VAC14: variants seen among roughly 807,000 people sequenced by gnomAD.
The protein encoded by VAC14 is protein VAC14 homolog.
Under a neutral mutation model 85.3 loss-of-function variants are expected in VAC14, and 47 were observed. The ratio of observed to expected loss-of-function variants is 0.55; its 90% confidence interval spans 0.44 to 0.70. The LOEUF is 0.70. VAC14 is among the 30% of genes least tolerant of loss of function. The probability of loss-of-function intolerance (pLI) is 0.00; values close to 1 mark genes in which losing one functional copy is unlikely to be tolerated. For missense variants in VAC14, 861 were observed against 1,004.3 expected (o/e 0.86, Z 1.93); for synonymous variants, 447 against 430.5 (o/e 1.04, Z -0.47).
chr16:70,781,703 T>C (rs1272757641), intron 8 of VAC14, among the ~76,000 whole-genome samples, 166 bp downstream of exon 8: 1 of 152,110 alleles, frequency 6.6e-6, no homozygotes, highest in Admixed American at 6.5e-5. Flanking sequence ...CCCGGGTCCC[T>C]GGCTTTCCTA....
Position 70,763,026 on chromosome 16 carries a change from C to T in VAC14, c.1161-1G>A. The T allele has an allele frequency of 6.2e-7, 1 of 1,614,164 alleles. No individual in the cohort carries two copies. The highest frequency in any genetic ancestry group is 1.1e-5 in the South Asian group (1 of 91,072). On this transcript the variant is annotated splice_acceptor_variant, in intron 10 of 18. Transcript: ENST00000261776. LOFTEE classifies it high-confidence loss of function. ...AAGGGTCACTGGGGCTCTTTCAGTG[C>T]TGTGGGTAAGATCGGGAGGGAGAGC...
intron 9 of VAC14, among the ~76,000 whole-genome samples, chr16:70,779,516 T>C (rs2033702675): frequency 6.6e-6 from 1 of 152,258 alleles, no homozygotes; most frequent in Non-Finnish European, 1.5e-5. Flanking sequence ...CTGGTTGATT[T>C]GTCTTGTTTT....
chr16:70,732,202 C>T (rs1230797350), intron 13 of VAC14, among the ~76,000 whole-genome samples: 1 of 152,170 alleles, frequency 6.6e-6, no homozygotes, highest in Non-Finnish European at 1.5e-5. Context: ...CACAGCCACT[C>T]GATTACGGAC....
At chr16:70,773,607 T>C (rs921898221) in intron 9 of VAC14, among the ~76,000 whole-genome samples, 8 of 152,224 alleles carry the variant, frequency 5.3e-5, no homozygotes, top group African/African-American at 9.6e-5. Flanking sequence ...GGAGGTGCTA[T>C]AGGAAAAAAT....
At chr16:70,769,042 C>T (rs1332494069) in intron 10 of VAC14, 1 of 258,416 alleles carries the variant, frequency 3.9e-6, no homozygotes, top group Non-Finnish European at 7.7e-6. Context: ...TCTCGAACTC[C>T]TGACCTCAGG....
At chr16:70,710,628 C>T (rs967923834) in intron 14 of VAC14, among the ~76,000 whole-genome samples, 11 of 152,218 alleles carry the variant, frequency 7.2e-5, no homozygotes, top group African/African-American at 2.7e-4. Flanking sequence ...GGCCAGGGAG[C>T]ACTCCAGCTG....
intron 14 of VAC14, among the ~76,000 whole-genome samples, chr16:70,709,816 T>A (rs950621306): frequency 2.6e-5 from 4 of 152,190 alleles, no homozygotes; most frequent in African/African-American, 9.6e-5. Flanking sequence ...TGGCCAAGGC[T>A]GGTGCTCTGA....
In VAC14 at chr16:70,745,482, AGTGTGTGTGTGTGT is replaced by A. The variant is rs145054065; in HGVS notation, c.1372-917_1372-904del. Among the ~76,000 whole-genome samples, 8 of 143,868 alleles carry A rather than the reference AGTGTGTGTGTGTGT, an allele frequency of 5.6e-5. No individual in the cohort carries two copies. The South Asian group carries it at 6.8e-4, about 12-fold the overall frequency. 94.4% of individuals were successfully genotyped at this position (143,868 alleles called of 152,430 possible). ...GACCTGCCCTGTTGGGAGGGGCTTC[AGTGTGTGTGTGTGT>A]GTGTGTGTGTGTGTGTGTGTGTGCG... On this transcript the variant is annotated intron_variant, in intron 12 of 18. Transcript: ENST00000261776.
At chr16:70,743,306 G>A (rs1398500278) in intron 13 of VAC14, among the ~76,000 whole-genome samples, 2 of 152,248 alleles carry the variant, frequency 1.3e-5, no homozygotes, top group South Asian at 2.1e-4. Flanking sequence ...TCAGCACTCT[G>A]CAAAATGGAC....
chr16:70,729,195 T>C (rs1234328922), intron 14 of VAC14, among the ~76,000 whole-genome samples: 4 of 152,214 alleles, frequency 2.6e-5, no homozygotes, highest in African/African-American at 9.6e-5. Flanking sequence ...GCTGACATCC[T>C]ACAGGGCGCA....
At chr16:70,765,293 C>A (rs2032719574) in intron 10 of VAC14, among the ~76,000 whole-genome samples, 1 of 152,140 alleles carries the variant, frequency 6.6e-6, no homozygotes, top group South Asian at 2.1e-4. Flanking sequence ...TCCCTGGGAT[C>A]CTTGGAACTG....
chr16:70,783,113 A>G lies in VAC14; in HGVS notation c.731T>C (p.Leu244Ser). The G allele has an allele frequency of 6.2e-7, 1 of 1,614,066 alleles. No homozygotes were observed. The highest frequency in any genetic ancestry group is 8.5e-7 in the Non-Finnish European group (1 of 1,180,022). Residue 244 changes from leucine to serine, a missense_variant, in exon 7 of 19, where the codon TTA becomes TCA. Coordinates refer to ENST00000261776, the MANE Select transcript of VAC14 (RefSeq NM_018052.5). ...KMCEVVLGEF[L>S]KEIKKNPSSV... ...GGAGGGGTTCTTCTTAATTTCTTTTAAGAATTCTCCAAGAACAACCTCACA... is the reference window on the plus strand; with the variant it reads ...GGAGGGGTTCTTCTTAATTTCTTTTGAGAATTCTCCAAGAACAACCTCACA...
rs139816842 is a variant in VAC14, at chr16:70,734,114, G to A, written c.1529-2487C>T. Among the ~76,000 whole-genome samples, 1,197 of 152,178 alleles carry A rather than the reference G, an allele frequency of 7.9e-3. 21 individuals carry two copies. The highest frequency in any genetic ancestry group is 0.027 in the African/African-American group (1,129 of 41,522). ...TGGGATTACAAGTGTGAGCCACTGC[G>A]CCCAGCCATGTATTTTTTTATAGTA... On this transcript the variant is annotated intron_variant, in intron 13 of 18. Transcript: ENST00000261776.
intron 14 of VAC14, among the ~76,000 whole-genome samples, chr16:70,710,316 C>A (rs16970442): frequency 0.068 from 10,364 of 152,330 alleles, 1,054 homozygotes; most frequent in African/African-American, 0.22. Context: ...ATGCCCAGGG[C>A]AGAGACACCC....
At chr16:70,737,918 C>T (rs1054350074) in intron 13 of VAC14, among the ~76,000 whole-genome samples, 13 of 152,356 alleles carry the variant, frequency 8.5e-5, no homozygotes, top group Middle Eastern at 3.4e-3. Context: ...TCCGGCCTCC[C>T]TCCCTGCTGG....
At chr16:70,690,190 A>C in intron 18 of VAC14, 1 of 985,472 alleles carries the variant, frequency 1.0e-6, no homozygotes, top group Non-Finnish European at 1.2e-6. Flanking sequence ...GGGTGGCAAG[A>C]AGTCCTGCTC....
At chr16:70,743,498 C>T (rs969952794) in intron 13 of VAC14, among the ~76,000 whole-genome samples, 1 of 152,180 alleles carries the variant, frequency 6.6e-6, no homozygotes, top group African/African-American at 2.4e-5. Context: ...TAACACTTGC[C>T]GCAAAGGTCC....
chr16:70,781,288 T>C (rs376078371), intron 8 of VAC14, among the ~76,000 whole-genome samples: 8 of 152,208 alleles, frequency 5.3e-5, no homozygotes, highest in African/African-American at 1.9e-4. Context: ...CCATGCCTCC[T>C]GTAGAGTCTG....
chr16:70,772,398 GA>G, intron 9 of VAC14: 1 of 539,310 alleles, frequency 1.9e-6, no homozygotes, highest in South Asian at 2.4e-5. Flanking sequence ...ACAAGGAGGG[GA>G]CACCAGTGCT....
Sources: gnomAD v4.1 joint callset for allele counts (sites outside exome capture counted in the v4.1 genomes callset) on GRCh38, gnomAD v4.1.1 for gene constraint, MANE v1.5 for transcripts, NCBI Gene and HGNC (gene_info 2026-07-23, HGNC 2026-07-21) for gene names.